SLC24A3: variants seen among roughly 807,000 people sequenced by gnomAD.
The protein encoded by SLC24A3 is solute carrier family 24 member 3, also known as sodium/potassium/calcium exchanger 3.
Under a neutral mutation model 75.8 loss-of-function variants are expected in SLC24A3, and 28 were observed. The ratio of observed to expected loss-of-function variants is 0.37; its 90% CI spans 0.27 to 0.51. SLC24A3 has a LOEUF of 0.51. Among genes scored for constraint, SLC24A3 ranks in the 20% least tolerant of loss-of-function variants. The probability of loss-of-function intolerance (pLI) is 0.94; values close to 1 mark genes in which losing one functional copy is unlikely to be tolerated. For missense variants in SLC24A3, 663 were observed against 847.8 expected (o/e 0.78, Z 2.71); for synonymous variants, 372 against 334.1 (o/e 1.11, Z -1.24).
intron 2 of SLC24A3, among the ~76,000 whole-genome samples, chr20:19,331,405 G>A (rs1251048068): frequency 6.6e-6 from 1 of 152,200 alleles, no homozygotes; most frequent in East Asian, 1.9e-4. Context: ...GAGTAGATAT[G>A]ATTGATAGAT....
intron 2 of SLC24A3, among the ~76,000 whole-genome samples, chr20:19,283,468 T>G (rs1983718550): frequency 6.6e-6 from 1 of 152,192 alleles, no homozygotes; most frequent in Non-Finnish European, 1.5e-5. Flanking sequence ...TACTCGATAG[T>G]TGGATCACAG....
chr20:19,349,807 A>G (rs982985727), intron 2 of SLC24A3, among the ~76,000 whole-genome samples: 2 of 152,222 alleles, frequency 1.3e-5, no homozygotes, highest in Middle Eastern at 3.2e-3. Flanking sequence ...TTCAGATTGA[A>G]TGACTCCCAA....
intron 2 of SLC24A3, among the ~76,000 whole-genome samples, chr20:19,460,694 G>A (rs1987655942): frequency 6.6e-6 from 1 of 152,096 alleles, no homozygotes; most frequent in Non-Finnish European, 1.5e-5. Context: ...TGTTTATGGT[G>A]GATAATCATG....
chr20:19,359,043 C>T (rs1041648406), intron 2 of SLC24A3, among the ~76,000 whole-genome samples: 1 of 152,052 alleles, frequency 6.6e-6, no homozygotes, highest in African/African-American at 2.4e-5. Flanking sequence ...TGGGTGTTTC[C>T]ACCTTATGCC....
intron 2 of SLC24A3, among the ~76,000 whole-genome samples, chr20:19,452,899 C>T (rs1032184888): frequency 3.9e-5 from 6 of 152,002 alleles, no homozygotes; most frequent in African/African-American, 1.2e-4. Context: ...TATTAGCCAC[C>T]TGTACCAGGC....
chr20:19,641,601 C>T (rs571822581), intron 6 of SLC24A3, among the ~76,000 whole-genome samples: 11 of 152,222 alleles, frequency 7.2e-5, no homozygotes, highest in Middle Eastern at 3.4e-3. Flanking sequence ...GGGTATTTCT[C>T]ATTTTTTATT....
At chr20:19,633,473 C>T (rs983095651) in intron 6 of SLC24A3, among the ~76,000 whole-genome samples, 1 of 151,856 alleles carries the variant, frequency 6.6e-6, no homozygotes, top group African/African-American at 2.4e-5. Flanking sequence ...ACCGGTGAAA[C>T]CCCGTCTCTA....
At chr20:19,353,867 G>A (rs1985625754) in intron 2 of SLC24A3, among the ~76,000 whole-genome samples, 1 of 152,220 alleles carries the variant, frequency 6.6e-6, no homozygotes, top group Non-Finnish European at 1.5e-5. Flanking sequence ...ATATATGGTT[G>A]ATGGACATGT....
intron 6 of SLC24A3, among the ~76,000 whole-genome samples, chr20:19,596,327 A>G (rs1031773303): frequency 1.3e-5 from 2 of 152,226 alleles, no homozygotes; most frequent in African/African-American, 4.8e-5. Context: ...TTTGCAGGTC[A>G]GTTGGAAATA....
chr20:19,283,050 G>A (rs1270615232), intron 2 of SLC24A3: 2 of 152,806 alleles, frequency 1.3e-5, no homozygotes, highest in East Asian at 3.9e-4. Context: ...GGAGGAATAT[G>A]GGAGGAAGCA....
intron 12 of SLC24A3, among the ~76,000 whole-genome samples, chr20:19,687,339 GCTTTTGAGGACT>G (rs1282588717): frequency 6.6e-6 from 1 of 152,074 alleles, no homozygotes; most frequent in African/African-American, 2.4e-5. Context: ...CTCCCCTTTT[GCTTTTGAGGACT>G]CTTTGCAGCT....
intron 7 of SLC24A3, among the ~76,000 whole-genome samples, chr20:19,659,565 C>T (rs1005643681): frequency 6.6e-6 from 1 of 152,210 alleles, no homozygotes; most frequent in Non-Finnish European, 1.5e-5. Flanking sequence ...TGTGTTGGGT[C>T]TACTGATAAT....
chr20:19,564,547 A>C (rs905210021), intron 3 of SLC24A3, among the ~76,000 whole-genome samples: 8 of 152,124 alleles, frequency 5.3e-5, no homozygotes, highest in African/African-American at 1.9e-4. Context: ...TCACCATCAG[A>C]TAAGGTTCAT....
At chr20:19,428,575 A>G (rs546778656) in intron 2 of SLC24A3, among the ~76,000 whole-genome samples, 11 of 152,366 alleles carry the variant, frequency 7.2e-5, no homozygotes, top group Middle Eastern at 3.4e-3. Flanking sequence ...GCCACTGAGC[A>G]AAGTAAGCTA....
chr20:19,504,109 TATCAGTCA>T (rs1988427969), intron 2 of SLC24A3, among the ~76,000 whole-genome samples: 1 of 152,200 alleles, frequency 6.6e-6, no homozygotes, highest in African/African-American at 2.4e-5. Flanking sequence ...AGACTCAGCC[TATCAGTCA>T]ATCATTAGCA....
At chr20:19,676,715 T>C (rs2032528253) in intron 9 of SLC24A3, among the ~76,000 whole-genome samples, 1 of 152,224 alleles carries the variant, frequency 6.6e-6, no homozygotes, top group African/African-American at 2.4e-5. Context: ...CAAAAAGCAA[T>C]TTCAGATTGT....
chr20:19,350,219 T>C (rs1168392412), intron 2 of SLC24A3, among the ~76,000 whole-genome samples: 1 of 152,256 alleles, frequency 6.6e-6, no homozygotes, highest in Non-Finnish European at 1.5e-5. Context: ...TATTTCATTT[T>C]GTTCTGTAGT....
intron 2 of SLC24A3, among the ~76,000 whole-genome samples, chr20:19,295,971 T>C (rs1267727082): frequency 1.3e-5 from 2 of 152,194 alleles, no homozygotes. Flanking sequence ...AATTCAGCTA[T>C]AAATCTGTCT....
chr20:19,435,213 G>A (rs891991863), intron 2 of SLC24A3, among the ~76,000 whole-genome samples: 2 of 152,164 alleles, frequency 1.3e-5, no homozygotes, highest in Non-Finnish European at 2.9e-5. Flanking sequence ...GCAGAAAGTT[G>A]GGAAACTTAA....
Sources: allele counts gnomAD v4.1 joint callset (sites outside exome capture counted in the v4.1 genomes callset), GRCh38; gene constraint gnomAD v4.1.1; transcripts MANE v1.5; gene names NCBI Gene and HGNC (gene_info 2026-07-23, HGNC 2026-07-21).